The following AAK1 variants were observed in gnomAD, a reference collection of about 807,000 sequenced individuals.
AAK1 encodes AP2 associated kinase 1.
A neutral mutation model predicts 116.0 loss-of-function variants in AAK1; 37 were observed. The observed-to-expected ratio is 0.32, with a 90% CI of 0.25 to 0.42. The LOEUF is 0.42. Ranked by LOEUF, AAK1 falls within the 10% of genes least tolerant of loss-of-function variation. AAK1 has a pLI of 1.00. For missense variants in AAK1, 919 were observed against 1,170.6 expected (o/e 0.79, Z 3.14); for synonymous variants, 458 against 439.9 (o/e 1.04, Z -0.51).
intron 2 of AAK1, among the ~76,000 whole-genome samples, chr2:69,571,482 C>A (rs1030653971): frequency 6.6e-6 from 1 of 152,192 alleles, no homozygotes. Flanking sequence ...CAATACACTC[C>A]TTTTTACTTA....
At chr2:69,632,829 C>G (rs577663568) in intron 2 of AAK1, among the ~76,000 whole-genome samples, 1 of 151,708 alleles carries the variant, frequency 6.6e-6, no homozygotes, top group African/African-American at 2.4e-5. Context: ...GTCGGGAGAT[C>G]GAGACCGTCC....
intron 2 of AAK1, among the ~76,000 whole-genome samples, chr2:69,639,645 C>T (rs993983744): frequency 4.6e-5 from 7 of 152,116 alleles, no homozygotes; most frequent in Non-Finnish European, 8.8e-5. Flanking sequence ...TATGAAAAAG[C>T]ACAGACCAAT....
In AAK1 at chr2:69,518,989, T is replaced by A. The variant is rs1487068954; in HGVS notation, c.1462A>T (p.Thr488Ser). 1 of 1,549,782 alleles carries A rather than the reference T, an allele frequency of 6.5e-7. No homozygotes were observed. Among genetic ancestry groups the A allele is most frequent in the Admixed American group, 2.0e-5 (1 of 51,000 alleles). Reference protein sequence around the residue: ...PPPAQQQPAGTFYQQQQAQTQ... With the variant: ...PPPAQQQPAGSFYQQQQAQTQ... ...TGGGCCTGCTGCTGCTGGTAAAACGTGCCTGCCGGCTGCTGCTGTGCTGGC... is the reference window on the plus strand; with the variant it reads ...TGGGCCTGCTGCTGCTGGTAAAACGAGCCTGCCGGCTGCTGCTGTGCTGGC... Residue 488 changes from threonine (T) to serine (S), a missense_variant, in exon 12 of 22, where the codon ACG (threonine) becomes TCG (serine). Physicochemically the swap from Thr to Ser is moderately conservative, Grantham distance 58. This residue lies in a region of AAK1 where 214 missense variants were observed against 210.6 expected (regional missense o/e 1.02). Transcript: ENST00000409085.
At chr2:69,552,319 C>T (rs1671215480) in intron 3 of AAK1, among the ~76,000 whole-genome samples, 1 of 152,010 alleles carries the variant, frequency 6.6e-6, no homozygotes, top group South Asian at 2.1e-4. Flanking sequence ...GATTTTTAAC[C>T]AAGATATTAA....
At chr2:69,511,488 C>T (rs1676394130) in intron 13 of AAK1, among the ~76,000 whole-genome samples, 1 of 152,218 alleles carries the variant, frequency 6.6e-6, no homozygotes, top group South Asian at 2.1e-4. Flanking sequence ...GCTCCAGCTC[C>T]ACAACTTCCT....
intron 2 of AAK1, among the ~76,000 whole-genome samples, chr2:69,639,637 T>C (rs4852892): frequency 0.27 from 41,493 of 152,002 alleles, 10,270 homozygotes; most frequent in African/African-American, 0.66. Flanking sequence ...CAATTCCTTA[T>C]GAAAAAGCAC....
chr2:69,549,828 TAGAATC>T (rs1302786278), intron 3 of AAK1, among the ~76,000 whole-genome samples: 1 of 152,242 alleles, frequency 6.6e-6, no homozygotes, highest in East Asian at 1.9e-4. Context: ...TTCATTTCAT[TAGAATC>T]AGTCCACTGC....
chr2:69,470,188 C>T lies in AAK1; in HGVS notation c.*5681G>A, dbSNP rs1284190445. ...TTCCTCATACCAAAAACTGAAAGAACGGTTACAGGGAGTATCAAAGATATG... is the reference window on the plus strand; with the variant it reads ...TTCCTCATACCAAAAACTGAAAGAATGGTTACAGGGAGTATCAAAGATATG... On this transcript the variant is annotated 3_prime_UTR_variant, in exon 22 of 22. Transcript: ENST00000409085. The T allele has an allele frequency of 9.1e-6, 9 of 985,230 alleles. No individual in the cohort carries two copies. Among genetic ancestry groups the T allele is most frequent in the South Asian group, 9.4e-5 (2 of 21,282 alleles). 61.0% of individuals were successfully genotyped at this position (985,230 alleles called of 1,614,324 possible).
At position 69,466,350 on chromosome 2, in the gene AAK1, G is replaced by A; in HGVS notation, c.*9519C>T. 1 of 1,289,862 alleles carries A rather than the reference G, an allele frequency of 7.8e-7. No homozygotes were observed. Among genetic ancestry groups the A allele is most frequent in the Non-Finnish European group, 1.0e-6 (1 of 988,884 alleles). 79.9% of individuals were successfully genotyped at this position (1,289,862 alleles called of 1,614,324 possible). A position where few individuals can be genotyped will look rare whatever the true frequency, so the allele number is the denominator to read the frequency against. ...GTCCAGCATGTCTCCTTCAAGGTCA[G>A]TCCCTTCCTCTTCGCTGCTGTGGAA... On this transcript the variant is annotated 3_prime_UTR_variant, in exon 22 of 22. Coordinates refer to ENST00000409085, the MANE Select transcript of AAK1 (RefSeq NM_014911.5).
At chr2:69,634,375 C>A (rs1438587899) in intron 2 of AAK1, among the ~76,000 whole-genome samples, 1 of 152,186 alleles carries the variant, frequency 6.6e-6, no homozygotes, top group East Asian at 1.9e-4. Flanking sequence ...GAGTAATAAC[C>A]ATGCTTTCTA....
intron 9 of AAK1, among the ~76,000 whole-genome samples, chr2:69,526,987 C>T (rs1448330355): frequency 1.3e-5 from 2 of 152,128 alleles, no homozygotes; most frequent in African/African-American, 4.8e-5. Flanking sequence ...CCAACTCAAT[C>T]CCTAGGGCAT....
In AAK1 at chr2:69,472,066, C is replaced by T. The variant is rs1674700574; in HGVS notation, c.*3803G>A. The T allele has an allele frequency of 1.0e-6, 1 of 985,028 alleles. No individual in the cohort carries two copies. Among genetic ancestry groups the T allele is most frequent in the African/African-American group, 1.7e-5 (1 of 57,308 alleles). The allele number at this position is 985,028 out of a possible 1,614,324, so 61.0% of individuals were successfully genotyped here. A position where few individuals can be genotyped will look rare whatever the true frequency, so the allele number is the denominator to read the frequency against. On this transcript the variant is annotated 3_prime_UTR_variant, in exon 22 of 22. Transcript: ENST00000409085. ...CTTCTTTCAGAGGTGTTTTAATACCCATATCTTTCAATGTTTTAAACCATT... is the reference window on the plus strand; with the variant it reads ...CTTCTTTCAGAGGTGTTTTAATACCTATATCTTTCAATGTTTTAAACCATT...
chr2:69,483,314 C>G (rs1675166669), intron 17 of AAK1, among the ~76,000 whole-genome samples: 1 of 152,178 alleles, frequency 6.6e-6, no homozygotes, highest in Admixed American at 6.5e-5. Context: ...ATAAATGGAA[C>G]CACAGAGTAT....
chr2:69,493,677 AAGAC>A (rs1675629660), intron 17 of AAK1, among the ~76,000 whole-genome samples: 1 of 152,194 alleles, frequency 6.6e-6, no homozygotes, highest in East Asian at 1.9e-4. Flanking sequence ...AGGATGAGGA[AAGAC>A]AGACTATGTC....
At chr2:69,628,691 T>C (rs1249889751) in intron 2 of AAK1, among the ~76,000 whole-genome samples, 1 of 152,192 alleles carries the variant, frequency 6.6e-6, no homozygotes, top group African/African-American at 2.4e-5. Context: ...ATTCTAACAC[T>C]ATGATTTTAA....
chr2:69,618,369 A>G (rs1485774011), intron 2 of AAK1, among the ~76,000 whole-genome samples: 1 of 152,220 alleles, frequency 6.6e-6, no homozygotes, highest in Non-Finnish European at 1.5e-5. Flanking sequence ...ACCTAACAAT[A>G]AAAACAACTT....
Position 69,520,924 on chromosome 2 carries a change from G to A in AAK1, c.1120C>T (p.Gln374Ter), listed in dbSNP as rs1669749467. Reference sequence around the variant, plus strand: ...AGGATTCCTGGGTTCGGCTGAGTCTGCCCAGCTTTAGGCCTCTGGCGGGGT... The same window carrying A: ...AGGATTCCTGGGTTCGGCTGAGTCTACCCAGCTTTAGGCCTCTGGCGGGGT... Reference protein sequence around the residue: ...IAPRQRPKAGQTQPNPGILPI... With the variant: ...IAPRQRPKAG The change falls in exon 11 of 22, where the codon CAG (glutamine) becomes TAG (stop). Residue 374 changes from glutamine to a stop codon, truncating the protein, a stop_gained. Transcript: ENST00000409085. LOFTEE classifies it high-confidence loss of function. 6.2e-7 allele frequency: 1 copy of A among 1,612,490 alleles called. No homozygotes were observed. The highest frequency in any genetic ancestry group is 2.2e-5 in the East Asian group (1 of 44,868).
chr2:69,541,005 G>T (rs1257842207), intron 5 of AAK1, among the ~76,000 whole-genome samples: 3 of 152,096 alleles, frequency 2.0e-5, no homozygotes, highest in Non-Finnish European at 2.9e-5. Flanking sequence ...GACAGAAGGG[G>T]TCACATATGA....
intron 14 of AAK1, among the ~76,000 whole-genome samples, chr2:69,508,067 C>T (rs1189256639): frequency 1.3e-5 from 2 of 152,204 alleles, no homozygotes; most frequent in African/African-American, 4.8e-5. Flanking sequence ...GATACCCATT[C>T]CACTTTGTGA....
Sources: allele counts gnomAD v4.1 joint callset (sites outside exome capture counted in the v4.1 genomes callset), GRCh38; gene constraint gnomAD v4.1.1; regional missense constraint gnomAD v4.1.1; transcripts MANE v1.5; gene names NCBI Gene and HGNC (gene_info 2026-07-23, HGNC 2026-07-21).